FGF12: variants seen among roughly 807,000 people sequenced by gnomAD.
FGF12 encodes the protein fibroblast growth factor 12, also known as fibroblast growth factor 12B.
A neutral mutation model predicts 23.6 loss-of-function variants in FGF12; 14 were observed. That is an observed-to-expected ratio of 0.59 (90% CI 0.39 to 0.93). The LOEUF is 0.93. FGF12 is among the 40% of genes least tolerant of loss of function. FGF12 has a pLI of 0.00. For missense variants in FGF12, 175 were observed against 217.8 expected, an observed-to-expected ratio of 0.80 and a Z score of 1.24; for synonymous variants, 62 against 77.3, an observed-to-expected ratio of 0.80 and a Z score of 1.04.
At chr3:192,480,234 C>T (rs1198783343) in intron 2 of FGF12, among the ~76,000 whole-genome samples, 1 of 152,170 alleles carries the variant, frequency 6.6e-6, no homozygotes, top group Non-Finnish European at 1.5e-5. Context: ...AATCGTAAGA[C>T]TTCGCAAAGG....
At chr3:192,375,006 C>T (rs888301252) in intron 2 of FGF12, among the ~76,000 whole-genome samples, 5 of 152,136 alleles carry the variant, frequency 3.3e-5, no homozygotes, top group African/African-American at 1.2e-4. Flanking sequence ...GGTAGCCTTC[C>T]TATTCATATT....
intron 5 of FGF12, among the ~76,000 whole-genome samples, chr3:192,151,097 TC>T (rs1714030169): frequency 7.1e-6 from 1 of 141,232 alleles, no homozygotes. Context: ...GGGAGTTCAC[TC>T]ATGATTTGGC....
intron 2 of FGF12, among the ~76,000 whole-genome samples, chr3:192,630,885 A>G (rs903152961): frequency 6.6e-6 from 1 of 151,670 alleles, no homozygotes; most frequent in African/African-American, 2.4e-5. Context: ...GAAAAACTAT[A>G]TTATGGCCTA....
intron 2 of FGF12, among the ~76,000 whole-genome samples, chr3:192,600,583 C>T (rs1714072096): frequency 6.6e-6 from 1 of 151,900 alleles, no homozygotes; most frequent in Non-Finnish European, 1.5e-5. Context: ...ATACAAGAAA[C>T]TCAAACATCT....
At chr3:192,406,577 A>G (rs981210707) in intron 2 of FGF12, among the ~76,000 whole-genome samples, 1 of 152,194 alleles carries the variant, frequency 6.6e-6, no homozygotes, top group Admixed American at 6.5e-5. Flanking sequence ...TATAAAATGA[A>G]CATGCTATAC....
intron 2 of FGF12, among the ~76,000 whole-genome samples, chr3:192,543,577 G>T (rs1560145371): frequency 6.6e-6 from 1 of 152,032 alleles, no homozygotes; most frequent in Non-Finnish European, 1.5e-5. Flanking sequence ...CAAGCAGACG[G>T]AGTCTCTCCC....
chr3:192,522,053 C>T (rs1041546786), intron 2 of FGF12, among the ~76,000 whole-genome samples: 4 of 152,032 alleles, frequency 2.6e-5, no homozygotes, highest in African/African-American at 9.7e-5. Flanking sequence ...TAAATATTAG[C>T]CGAGCGCGGT....
rs535819099 is a variant in FGF12 at position 192,547,797 on chromosome 3, CT to C, written c.13+179383del. 4.6e-5 allele frequency among the ~76,000 whole-genome samples: 7 copies of C among 152,300 alleles called. 1 individual carries two copies. In the East Asian group the frequency reaches 1.4e-3, roughly 29 times the overall value. ...ACTGGCCAGGGTTGCCTTTCAGTCA[CT>C]GCGATAAAAATTATCATTTTCTTCT... On this transcript the variant is annotated intron_variant, in intron 2 of 5. Coordinates refer to ENST00000445105, the MANE Select transcript of FGF12 (RefSeq NM_004113.6).
intron 2 of FGF12, among the ~76,000 whole-genome samples, chr3:192,576,525 G>C (rs1048606302): frequency 6.6e-6 from 1 of 152,138 alleles, no homozygotes; most frequent in South Asian, 2.1e-4. Context: ...GTCTTAGAAA[G>C]GTACTGAGGG....
chr3:192,466,404 G>C (rs1723013649), intron 2 of FGF12, among the ~76,000 whole-genome samples: 1 of 152,066 alleles, frequency 6.6e-6, no homozygotes, highest in South Asian at 2.1e-4. Flanking sequence ...CACGCACTCA[G>C]AGACAAAATT....
chr3:192,352,609 A>C (rs746023992), intron 3 of FGF12, among the ~76,000 whole-genome samples: 39 of 152,214 alleles, frequency 2.6e-4, no homozygotes, highest in Non-Finnish European at 5.3e-4. Context: ...ACTGTGTATG[A>C]GCTCCTTGAA....
chr3:192,401,984 A>T (rs2108771328), intron 2 of FGF12, among the ~76,000 whole-genome samples: 2 of 152,392 alleles, frequency 1.3e-5, no homozygotes, highest in South Asian at 4.1e-4. Context: ...TTCATTTTAC[A>T]AATCAGCAAA....
chr3:192,606,393 G>A (rs1714339015), intron 2 of FGF12, among the ~76,000 whole-genome samples: 1 of 152,104 alleles, frequency 6.6e-6, no homozygotes. Context: ...GAAAGAGGGT[G>A]CAGGGGTTGA....
At chr3:192,524,818 C>A (rs1724903437) in intron 2 of FGF12, among the ~76,000 whole-genome samples, 1 of 151,958 alleles carries the variant, frequency 6.6e-6, no homozygotes, top group African/African-American at 2.4e-5. Context: ...TATGTACTAC[C>A]TTCACTTCAG....
At chr3:192,720,463 A>G (rs556058185) in intron 2 of FGF12, among the ~76,000 whole-genome samples, 1 of 152,326 alleles carries the variant, frequency 6.6e-6, no homozygotes, top group African/African-American at 2.4e-5. Context: ...TCAAAAAGTA[A>G]CTGGAGAGAT....
intron 2 of FGF12, among the ~76,000 whole-genome samples, chr3:192,526,802 A>C (rs1191644129): frequency 6.6e-6 from 1 of 152,228 alleles, no homozygotes; most frequent in Non-Finnish European, 1.5e-5. Flanking sequence ...CTGAAGATAA[A>C]GCCTTAATCA....
intron 2 of FGF12, among the ~76,000 whole-genome samples, chr3:192,399,529 A>G (rs1275055910): frequency 6.6e-6 from 1 of 152,212 alleles, no homozygotes; most frequent in East Asian, 1.9e-4. Context: ...AAATTATATT[A>G]GTGTATAAAA....
chr3:192,169,808 C>T (rs921984164), intron 5 of FGF12, among the ~76,000 whole-genome samples: 2 of 147,546 alleles, frequency 1.4e-5, no homozygotes, highest in Non-Finnish European at 3.0e-5. Flanking sequence ...GGGAACATAG[C>T]CTAGCTGCCA....
intron 3 of FGF12, among the ~76,000 whole-genome samples, chr3:192,359,717 A>T (rs1432523818): frequency 1.3e-5 from 2 of 151,982 alleles, no homozygotes; most frequent in African/African-American, 4.8e-5. Flanking sequence ...TAACTTGTCA[A>T]CTCTAAAGTT....
Sources: allele counts gnomAD v4.1 joint callset (sites outside exome capture counted in the v4.1 genomes callset), GRCh38; gene constraint gnomAD v4.1.1; transcripts MANE v1.5; gene names NCBI Gene and HGNC (gene_info 2026-07-23, HGNC 2026-07-21).